The following ADK variants were observed in gnomAD, a reference collection of about 807,000 sequenced individuals.
ADK encodes N6,N6-dimethyladenosine kinase.
In ADK, 24 loss-of-function variants were observed where a neutral mutation model predicts 44.7. The observed-to-expected ratio is 0.54, with a 90% CI of 0.39 to 0.76. ADK has a LOEUF of 0.76. ADK is among the 30% of genes least tolerant of loss of function. The pLI, the probability that ADK is intolerant of heterozygous loss-of-function variation, is 0.00. For missense variants in ADK, 321 were observed against 425.1 expected (o/e 0.76, Z 2.15); for synonymous variants, 128 against 142.6 (o/e 0.90, Z 0.73).
At chr10:74,173,812 T>C (rs1842238721) in intron 1 of ADK, among the ~76,000 whole-genome samples, 1 of 152,182 alleles carries the variant, frequency 6.6e-6, no homozygotes. Context: ...ATTTGATTGT[T>C]CAGAGGGCCA....
rs914760669 is a variant in ADK, at chr10:74,708,677, A to G, written c.*232A>G. ...GTTTGATAGTGCCACTTAAATGCCA[A>G]TTAAACAAGAATATAACATTTCAAT... On this transcript the variant is annotated 3_prime_UTR_variant, in exon 11 of 11. Coordinates refer to ENST00000539909, the MANE Select transcript of ADK (RefSeq NM_006721.4). The G allele has an allele frequency of 1.2e-5, 5 of 411,604 alleles. No homozygotes were observed. The East Asian group carries it at 1.5e-4, about 13-fold the overall frequency. The allele number at this position is 411,604 out of a possible 1,614,324, so 25.5% of individuals were successfully genotyped here.
At chr10:74,298,850 G>T (rs540202335) in intron 3 of ADK, among the ~76,000 whole-genome samples, 339 of 152,310 alleles carry the variant, frequency 2.2e-3, no homozygotes, top group African/African-American at 7.7e-3. Context: ...AGGCTGAGAT[G>T]GGAGGATCCG....
At chr10:74,442,537 T>C (rs1178780498) in intron 6 of ADK, among the ~76,000 whole-genome samples, 2 of 152,090 alleles carry the variant, frequency 1.3e-5, no homozygotes, top group African/African-American at 4.8e-5. Context: ...TCCCAGCTAC[T>C]TGGGAAGCTG....
intron 5 of ADK, among the ~76,000 whole-genome samples, chr10:74,398,243 C>A (rs1238868211): frequency 6.6e-6 from 1 of 152,004 alleles, no homozygotes; most frequent in African/African-American, 2.4e-5. Context: ...ATGCCAATTT[C>A]TTTCTCAAAA....
At chr10:74,315,466 A>T (rs2131806565) in intron 4 of ADK, among the ~76,000 whole-genome samples, 1 of 152,236 alleles carries the variant, frequency 6.6e-6, no homozygotes, top group Admixed American at 6.5e-5. Context: ...TACCAGCTTA[A>T]CCTAATCTTG....
chr10:74,590,327 T>C (rs926855326), intron 8 of ADK, among the ~76,000 whole-genome samples: 4 of 152,220 alleles, frequency 2.6e-5, no homozygotes, highest in African/African-American at 9.6e-5. Flanking sequence ...GGTGATTGAA[T>C]AGTATCAGTA....
chr10:74,214,102 A>G (rs1226955618), intron 2 of ADK, among the ~76,000 whole-genome samples: 1 of 152,172 alleles, frequency 6.6e-6, no homozygotes, highest in Non-Finnish European at 1.5e-5. Flanking sequence ...TTACTTTGCT[A>G]ATGAGATTTA....
At chr10:74,436,322 G>A (rs566159678) in intron 6 of ADK, among the ~76,000 whole-genome samples, 44 of 152,158 alleles carry the variant, frequency 2.9e-4, no homozygotes, top group Admixed American at 1.9e-3. Flanking sequence ...CAGGAGAATC[G>A]CTTGAACCTG....
intron 3 of ADK, among the ~76,000 whole-genome samples, chr10:74,308,496 C>G (rs1840329224): frequency 6.6e-6 from 1 of 152,074 alleles, no homozygotes; most frequent in South Asian, 2.1e-4. Context: ...GATTTCAAAG[C>G]TTTGAATTTT....
At chr10:74,612,062 C>G (rs1344482266) in intron 9 of ADK, among the ~76,000 whole-genome samples, 1 of 152,118 alleles carries the variant, frequency 6.6e-6, no homozygotes, top group African/African-American at 2.4e-5. Flanking sequence ...CTGCTTTCCA[C>G]AGGGGCCAAA....
intron 4 of ADK, among the ~76,000 whole-genome samples, chr10:74,387,435 G>A (rs1843183213): frequency 6.6e-6 from 1 of 152,042 alleles, no homozygotes; most frequent in South Asian, 2.1e-4. Flanking sequence ...AAACACTTTT[G>A]GCTGAAACGA....
At chr10:74,339,389 G>T (rs367578241) in intron 4 of ADK, among the ~76,000 whole-genome samples, 21 of 152,306 alleles carry the variant, frequency 1.4e-4, no homozygotes, top group Non-Finnish European at 2.9e-4. Context: ...AAAATTCTTT[G>T]CTGTGAAGTG....
At chr10:74,212,432 G>A (rs141207820) in intron 2 of ADK, among the ~76,000 whole-genome samples, 216 of 152,328 alleles carry the variant, frequency 1.4e-3, no homozygotes, top group Non-Finnish European at 2.6e-3. Flanking sequence ...GGAGACAGAT[G>A]TGGAAAGAAA....
intron 4 of ADK, among the ~76,000 whole-genome samples, chr10:74,392,760 T>C (rs1843380190): frequency 6.6e-6 from 1 of 152,074 alleles, no homozygotes; most frequent in Non-Finnish European, 1.5e-5. Flanking sequence ...ATATATATTA[T>C]TAAGTTTTAT....
At chr10:74,458,419 A>C (rs368927220) in intron 6 of ADK, among the ~76,000 whole-genome samples, 53 of 151,194 alleles carry the variant, frequency 3.5e-4, no homozygotes, top group African/African-American at 1.2e-3. Flanking sequence ...GATTACAGGC[A>C]TGAGCCACTG....
chr10:74,512,618 G>A (rs1427065329), intron 6 of ADK, among the ~76,000 whole-genome samples: 1 of 151,374 alleles, frequency 6.6e-6, no homozygotes, highest in African/African-American at 2.4e-5. Context: ...AGTATCTTTT[G>A]TGATGTCTCC....
intron 3 of ADK, among the ~76,000 whole-genome samples, 154 bp downstream of exon 3, chr10:74,224,745 A>G (rs1285114923): frequency 6.6e-6 from 1 of 152,234 alleles, no homozygotes; most frequent in South Asian, 2.1e-4. Flanking sequence ...CCTACACTAT[A>G]TAATTTACAC....
chr10:74,239,236 G>T (rs1264154840), intron 3 of ADK, among the ~76,000 whole-genome samples: 2 of 151,692 alleles, frequency 1.3e-5, no homozygotes, highest in African/African-American at 4.8e-5. Flanking sequence ...ATAATCGAAT[G>T]TAACTATCAA....
chr10:74,581,491 C>G (rs534768032), intron 7 of ADK, among the ~76,000 whole-genome samples: 2 of 152,032 alleles, frequency 1.3e-5, no homozygotes, highest in South Asian at 4.2e-4. Context: ...GGCAGGGAGA[C>G]AGAAAAAATA....
Sources: gnomAD v4.1 joint callset for allele counts (sites outside exome capture counted in the v4.1 genomes callset) on GRCh38, gnomAD v4.1.1 for gene constraint, MANE v1.5 for transcripts, NCBI Gene and HGNC (gene_info 2026-07-23, HGNC 2026-07-21) for gene names.